Variants in GRK5 observed in about 807,000 individuals in gnomAD.
GRK5 encodes G protein-coupled receptor kinase 5.
In GRK5, 40 loss-of-function variants were observed where a neutral mutation model predicts 78.4. The observed-to-expected ratio is 0.51, with a 90% CI of 0.40 to 0.66. The LOEUF (loss-of-function observed/expected upper bound fraction) is 0.66, where lower values mean the gene tolerates loss of function less well. GRK5 is among the 30% of genes least tolerant of loss of function. GRK5 has a pLI of 0.00. For missense variants in GRK5, 598 were observed against 759.9 expected (o/e 0.79, Z 2.50); for synonymous variants, 289 against 296.8 (o/e 0.97, Z 0.27).
chr10:119,245,913 G>A (rs1447410136), intron 1 of GRK5, among the ~76,000 whole-genome samples: 5 of 150,838 alleles, frequency 3.3e-5, no homozygotes, highest in Non-Finnish European at 3.0e-5. Context: ...CCAGCTACTC[G>A]GGAGGCTGAG....
intron 1 of GRK5, among the ~76,000 whole-genome samples, chr10:119,282,222 G>A (rs1480485783): frequency 2.0e-5 from 3 of 152,154 alleles, no homozygotes; most frequent in Admixed American, 1.3e-4. Flanking sequence ...CTTTAGTATC[G>A]TGAGTGAGCA....
chr10:119,260,861 C>T (rs1158188648), intron 1 of GRK5, among the ~76,000 whole-genome samples: 1 of 151,996 alleles, frequency 6.6e-6, no homozygotes, highest in Non-Finnish European at 1.5e-5. Flanking sequence ...CACCTTTCCC[C>T]GCTTTCTATT....
intron 2 of GRK5, among the ~76,000 whole-genome samples, chr10:119,357,845 G>T (rs1564903614): frequency 6.6e-6 from 1 of 152,154 alleles, no homozygotes; most frequent in Non-Finnish European, 1.5e-5. Flanking sequence ...TTGGCAGGGT[G>T]GGGGTGGGTG....
At chr10:119,391,408 C>T (rs527802240) in intron 3 of GRK5, among the ~76,000 whole-genome samples, 3 of 152,354 alleles carry the variant, frequency 2.0e-5, no homozygotes, top group African/African-American at 7.2e-5. Context: ...GGGCATCAGC[C>T]AGGTCCTGGC....
intron 1 of GRK5, among the ~76,000 whole-genome samples, chr10:119,310,985 G>C (rs1638268386): frequency 6.6e-6 from 1 of 152,138 alleles, no homozygotes; most frequent in African/African-American, 2.4e-5. Context: ...ATCCAGGGCT[G>C]GGTCAACAGA....
intron 2 of GRK5, among the ~76,000 whole-genome samples, chr10:119,329,478 A>G (rs1295847004): frequency 6.6e-6 from 1 of 152,168 alleles, no homozygotes; most frequent in African/African-American, 2.4e-5. Flanking sequence ...ATACTAGACA[A>G]ACTTGCAACC....
At chr10:119,444,392 T>A (rs1007764839) in intron 12 of GRK5, among the ~76,000 whole-genome samples, 1 of 151,928 alleles carries the variant, frequency 6.6e-6, no homozygotes, top group Admixed American at 6.5e-5. Context: ...AAGTGGGGGA[T>A]ATGGGAGTGG....
At chr10:119,394,416 G>GT in intron 3 of GRK5, among the ~76,000 whole-genome samples, 1 of 88,588 alleles carries the variant, frequency 1.1e-5, no homozygotes, top group African/African-American at 4.7e-5. Context: ...ATGTGTGTGG[G>GT]GGTGTGTGGG....
At chr10:119,393,760 A>G (rs1030677033) in intron 3 of GRK5, among the ~76,000 whole-genome samples, 3 of 152,192 alleles carry the variant, frequency 2.0e-5, no homozygotes, top group Non-Finnish European at 4.4e-5. Flanking sequence ...TTAGACCCTT[A>G]GTTTCTTCAT....
intron 1 of GRK5, among the ~76,000 whole-genome samples, chr10:119,210,958 A>ATAT (rs1564849423): frequency 6.6e-6 from 1 of 152,240 alleles, no homozygotes; most frequent in Non-Finnish European, 1.5e-5. Context: ...GACATAATAT[A>ATAT]AAGTGGAAAG....
Position 119,431,334 on chromosome 10 carries a change from G to T in GRK5, c.598-53G>T, listed in dbSNP as rs2275038. 307 of 1,571,828 alleles carry T rather than the reference G, an allele frequency of 2.0e-4. No homozygotes were observed. Among genetic ancestry groups the T allele is most frequent in the Admixed American group, 5.7e-4 (31 of 54,772 alleles). On this transcript the variant is annotated intron_variant, in intron 7 of 15. Transcript: ENST00000392870. This position sits in a 1 kb window ranked among gnomAD's most constrained non-coding sequence, Gnocchi z 4.8. ...TGTGGTCCCCGCCCTGGAGGAGCTC[G>T]GGGCAGGCCTCCACGGTGCTCCTGC...
intron 1 of GRK5, among the ~76,000 whole-genome samples, chr10:119,220,492 T>C (rs1223929289): frequency 3.3e-5 from 5 of 152,148 alleles, no homozygotes; most frequent in Non-Finnish European, 7.3e-5. Flanking sequence ...GTGGTGACTG[T>C]TCTATATCAT....
rs1349816916 is a variant in GRK5, at chr10:119,424,347, A to C, written c.441-646A>C. Among the ~76,000 whole-genome samples, 5 of 152,330 alleles carry C rather than the reference A, an allele frequency of 3.3e-5. No individual in the cohort carries two copies. In the East Asian group the frequency reaches 5.8e-4, roughly 18 times the overall value. On this transcript the variant is annotated intron_variant, in intron 5 of 15. Transcript: ENST00000392870. Reference sequence around the variant, plus strand: ...TCAGTGTGGCCACTTTCTAAAGGAAAGAAGCTGCCTGCAGACAGTTTCAGA... The same window carrying C: ...TCAGTGTGGCCACTTTCTAAAGGAACGAAGCTGCCTGCAGACAGTTTCAGA...
At chr10:119,433,489 C>A (rs1270496894) in intron 8 of GRK5, among the ~76,000 whole-genome samples, 5 of 152,072 alleles carry the variant, frequency 3.3e-5, no homozygotes, top group Non-Finnish European at 1.5e-5. Context: ...CAGGGAGTTC[C>A]CACGATGTCA....
intron 1 of GRK5, among the ~76,000 whole-genome samples, chr10:119,310,515 C>T (rs1315209148): frequency 2.0e-5 from 3 of 152,214 alleles, no homozygotes; most frequent in Non-Finnish European, 2.9e-5. Context: ...GCAAAAACAT[C>T]GTGAGCACAA....
chr10:119,309,272 G>A (rs912683430), intron 1 of GRK5, among the ~76,000 whole-genome samples: 2 of 152,190 alleles, frequency 1.3e-5, no homozygotes, highest in East Asian at 1.9e-4. Context: ...TGCCGCCCAC[G>A]AGCCTGTGAG....
chr10:119,444,451 G>A (rs1853103693), intron 12 of GRK5, among the ~76,000 whole-genome samples: 1 of 152,160 alleles, frequency 6.6e-6, no homozygotes, highest in African/African-American at 2.4e-5. Flanking sequence ...CCGGCCCTCA[G>A]GCCCTTCCCT....
At chr10:119,373,553 G>A (rs917168786) in intron 2 of GRK5, among the ~76,000 whole-genome samples, 6 of 152,186 alleles carry the variant, frequency 3.9e-5, no homozygotes, top group Non-Finnish European at 7.3e-5. Context: ...CCCCAGTCAC[G>A]TGGAACTGTG....
At chr10:119,308,798 G>T (rs972084656) in intron 1 of GRK5, among the ~76,000 whole-genome samples, 2 of 152,258 alleles carry the variant, frequency 1.3e-5, no homozygotes, top group African/African-American at 4.8e-5. Context: ...GGGCCAGGAG[G>T]AGGATCTTAG....
Sources: gnomAD v4.1 joint callset for allele counts (sites outside exome capture counted in the v4.1 genomes callset) on GRCh38, gnomAD v4.1.1 for gene constraint, Gnocchi (gnomAD v3.1) non-coding constraint, MANE v1.5 for transcripts, NCBI Gene and HGNC (gene_info 2026-07-23, HGNC 2026-07-21) for gene names.